Variants in TXNRD2 observed in about 807,000 individuals in gnomAD.
TXNRD2 encodes thioredoxin reductase 2, mitochondrial.
A neutral mutation model predicts 70.8 loss-of-function variants in TXNRD2; 67 were observed. The observed-to-expected ratio is 0.95, with a 90% CI of 0.78 to 1.16. The LOEUF (loss-of-function observed/expected upper bound fraction) is 1.16, where lower values mean the gene tolerates loss of function less well. Ranked by LOEUF, TXNRD2 falls within the 50% of genes most tolerant of loss-of-function variation. The pLI, the probability that TXNRD2 is intolerant of heterozygous loss-of-function variation, is 0.00. For synonymous variants in TXNRD2, 301 were observed against 295.8 expected (o/e 1.02, Z -0.18); for missense variants, 644 against 719.9 (o/e 0.89, Z 1.21).
chr22:19,880,259 C>A lies in TXNRD2; in HGVS notation c.1195G>T (p.Val399Phe). Residue 399 changes from valine (V) to phenylalanine (F), a missense_variant, in exon 14 of 18, where the codon GTC becomes TTC. Transcript: ENST00000400521. ...CAGCCATACTCCAGCGGGGTGAAGA[C>A]GGTCGTGGGAACCTGAAAGCAGGTC... Reference protein sequence around the residue: ...LMDYDNVPTTVFTPLEYGCVG... With the variant: ...LMDYDNVPTTFFTPLEYGCVG... 1.2e-6 allele frequency: 2 copies of A among 1,613,606 alleles called. No homozygotes were observed. Among genetic ancestry groups the A allele is most frequent in the Non-Finnish European group, 8.5e-7 (1 of 1,180,008 alleles).
chr22:19,900,532 C>G (rs1008539135), intron 8 of TXNRD2, among the ~76,000 whole-genome samples: 2 of 152,108 alleles, frequency 1.3e-5, no homozygotes, highest in Non-Finnish European at 2.9e-5. Context: ...AGGCAGATCA[C>G]GAGGTCAGGA....
At chr22:19,899,022 G>A (rs759690469) in intron 9 of TXNRD2, 27 bp downstream of exon 9, 8 of 1,604,764 alleles carry the variant, frequency 5.0e-6, no homozygotes, top group East Asian at 2.2e-5. Flanking sequence ...TTCCCAGGAC[G>A]GCCACCTGCA....
intron 1 of TXNRD2, among the ~76,000 whole-genome samples, chr22:19,940,499 G>A (rs1800706): frequency 0.22 from 33,274 of 152,014 alleles, 4,122 homozygotes; most frequent in Middle Eastern, 0.34. Flanking sequence ...TCCCCATTCT[G>A]AGTCCAGAAT....
rs367711380 is a variant in TXNRD2 at position 19,877,220 on chromosome 22, T to C, written c.1460A>G (p.Tyr487Cys). 5.6e-6 allele frequency: 9 copies of C among 1,610,836 alleles called. No homozygotes were observed. The highest frequency in any genetic ancestry group is 3.3e-5 in the Admixed American group (2 of 59,974). ...FALGIKCGASYAQVMRTVGIH... is the reference protein window; with the variant it reads ...FALGIKCGASCAQVMRTVGIH... ...ACCCACGGTCCGCATCACCTGCGCATAGGAAGCCCCACACCTGCACATGGG... is the reference window on the plus strand; with the variant it reads ...ACCCACGGTCCGCATCACCTGCGCACAGGAAGCCCCACACCTGCACATGGG... The change falls in exon 17 of 18, where the codon TAT (tyrosine) becomes TGT (cysteine). Residue 487 changes from tyrosine to cysteine, a missense_variant. Around this residue, in one of 3 missense-constraint regions of TXNRD2, gnomAD observed 566 missense variants for 645.0 expected, o/e 0.88. Transcript: ENST00000400521.
At chr22:19,876,927 G>C in intron 17 of TXNRD2, 113 bp downstream of exon 17, 1 of 690,774 alleles carries the variant, frequency 1.4e-6, no homozygotes, top group Non-Finnish European at 2.2e-6. Flanking sequence ...CACCCATTCT[G>C]GGTGGCGTGG....
In TXNRD2 at chr22:19,878,102, G is replaced by A. The variant is rs1938590688; in HGVS notation, c.1433C>T (p.Ala478Val). The A allele has an allele frequency of 6.2e-7, 1 of 1,613,444 alleles. No individual in the cohort carries two copies. The highest frequency in any genetic ancestry group is 8.5e-7 in the Non-Finnish European group (1 of 1,179,918). Residue 478 changes from alanine to valine, a missense_variant, in exon 16 of 18, where the codon GCT becomes GTT. Physicochemically the swap from Ala to Val is moderately conservative, Grantham distance 64. Around this residue, in one of 3 missense-constraint regions of TXNRD2, gnomAD observed 566 missense variants for 645.0 expected, o/e 0.88. Transcript: ENST00000400521. ...PNAGEVTQGF[A>V]LGIKCGASYA... ...CCTCGGGACTTACTTGATCCCCAGA[G>A]CAAATCCTTGAGTAACTTCGCCTGC...
intron 5 of TXNRD2, among the ~76,000 whole-genome samples, chr22:19,916,642 CT>C (rs67716689): frequency 0.12 from 15,613 of 129,022 alleles, 982 homozygotes; most frequent in Non-Finnish European, 0.16. Context: ...GCGCCCCACC[CT>C]TTTTTTTTTT....
chr22:19,914,915 A>C (rs1940565663), intron 7 of TXNRD2: 1 of 427,180 alleles, frequency 2.3e-6, no homozygotes, highest in Non-Finnish European at 4.4e-6. Context: ...AAAAGGGGGA[A>C]TCAGCAATGG....
chr22:19,934,566 C>CTT (rs199827549), intron 1 of TXNRD2, among the ~76,000 whole-genome samples: 29,734 of 141,706 alleles, frequency 0.21, 3,667 homozygotes, highest in Middle Eastern at 0.33. Context: ...ATACTTTTTT[C>CTT]TTTTTTTTTT....
intron 8 of TXNRD2, among the ~76,000 whole-genome samples, chr22:19,900,323 AC>A (rs1247575919): frequency 6.6e-6 from 1 of 152,208 alleles, no homozygotes; most frequent in Admixed American, 6.5e-5. Context: ...CACGGTATGC[AC>A]GCACTTCCAC....
At chr22:19,925,019 T>C (rs529725786) in intron 2 of TXNRD2, among the ~76,000 whole-genome samples, 156 of 149,100 alleles carry the variant, frequency 1.0e-3, no homozygotes, top group Non-Finnish European at 6.8e-4. Flanking sequence ...GCATGGTGGC[T>C]CACGCCTGTA....
chr22:19,928,248 T>C (rs908063176), intron 2 of TXNRD2, among the ~76,000 whole-genome samples: 3 of 152,008 alleles, frequency 2.0e-5, no homozygotes, highest in Non-Finnish European at 2.9e-5. Flanking sequence ...ATTTAAAACA[T>C]ATATCCACAC....
intron 13 of TXNRD2, 133 bp from the exon 14 acceptor site, chr22:19,880,404 C>G (rs562803051): frequency 3.5e-5 from 35 of 993,614 alleles, no homozygotes; most frequent in Admixed American, 6.0e-5. Context: ...GCACAGTAGG[C>G]GACCCACCTG....
chr22:19,916,455 C>T (rs1273204570), intron 5 of TXNRD2: 1 of 154,788 alleles, frequency 6.5e-6, no homozygotes, highest in African/African-American at 2.4e-5. Context: ...TCAGCTCTTG[C>T]CTCAGCCTCC....
At chr22:19,880,546 G>A (rs1938721174) in intron 13 of TXNRD2, 76 bp downstream of exon 13, 2 of 1,351,112 alleles carry the variant, frequency 1.5e-6, no homozygotes, top group Non-Finnish European at 2.1e-6. Context: ...GCGCACAAAG[G>A]CCCCTCACCC....
At chr22:19,904,297 C>G (rs1939908519) in intron 8 of TXNRD2, among the ~76,000 whole-genome samples, 1 of 152,262 alleles carries the variant, frequency 6.6e-6, no homozygotes, top group South Asian at 2.1e-4. Flanking sequence ...TCAGCCCACT[C>G]TGGTCAACAG....
chr22:19,902,468 C>G (rs1433414630), intron 8 of TXNRD2, among the ~76,000 whole-genome samples: 1 of 152,208 alleles, frequency 6.6e-6, no homozygotes, highest in Non-Finnish European at 1.5e-5. Context: ...CAAAGTGAGT[C>G]TCATGGGAGG....
At position 19,941,797 on chromosome 22, in the gene TXNRD2, C is replaced by T; in HGVS notation, c.7G>A (p.Ala3Thr). 6.5e-7 allele frequency: 1 copy of T among 1,534,964 alleles called. No homozygotes were observed. MAAMAVALRGLGG... is the reference protein window; with the variant it reads MATMAVALRGLGG... ...AATCCCCGCAGCGCCACCGCCATTG[C>T]CGCCATCGTCGTGGGGCTTCTGGGG... Residue 3 changes from alanine (A) to threonine (T), a missense_variant, in exon 1 of 18, where the codon GCA becomes ACA. Coordinates refer to ENST00000400521, the MANE Select transcript of TXNRD2 (RefSeq NM_006440.5).
At chr22:19,918,033 CCCAGAGCCTG>C in intron 5 of TXNRD2, 100 bp downstream of exon 5, 1 of 958,080 alleles carries the variant, frequency 1.0e-6, no homozygotes, top group Non-Finnish European at 1.7e-6. Flanking sequence ...GACATGAACC[CCCAGAGCCTG>C]CCAGAGCATG....
Sources: gnomAD v4.1 joint callset for allele counts (sites outside exome capture counted in the v4.1 genomes callset) on GRCh38, gnomAD v4.1.1 for gene constraint, gnomAD v4.1.1 regional missense constraint, MANE v1.5 for transcripts, NCBI Gene and HGNC (gene_info 2026-07-23, HGNC 2026-07-21) for gene names.